MYH3: variants seen among roughly 807,000 people sequenced by gnomAD.
MYH3 encodes myosin heavy chain 3, also known as myosin-3.
A neutral mutation model predicts 238.0 loss-of-function variants in MYH3; 130 were observed. The ratio of observed to expected loss-of-function variants is 0.55; its 90% confidence interval spans 0.47 to 0.63. The LOEUF is 0.63. Ranked by LOEUF, MYH3 falls within the 30% of genes least tolerant of loss-of-function variation. The pLI, the probability that MYH3 is intolerant of heterozygous loss-of-function variation, is 0.00. For synonymous variants in MYH3, 880 were observed against 924.1 expected, an observed-to-expected ratio of 0.95 and a Z score of 0.86; for missense variants, 1,853 against 2,374.9, an observed-to-expected ratio of 0.78 and a Z score of 4.57.
chr17:10,658,153 G>A (rs1158050886), upstream of MYH3, among the ~76,000 whole-genome samples: 3 of 152,150 alleles, frequency 2.0e-5, no homozygotes, highest in East Asian at 1.9e-4. Flanking sequence ...GGACAAGGGG[G>A]GGCTGTCTAA....
upstream of MYH3, chr17:10,658,707 C>T (rs953973005): frequency 1.3e-5 from 2 of 152,234 alleles, no homozygotes; most frequent in Non-Finnish European, 2.9e-5. Context: ...GCTCACTCAC[C>T]CCTTGCCTGT....
rs367709724 is a variant in MYH3, at chr17:10,639,769, A to T, written c.2716T>A (p.Cys906Ser). ...AATTTGGCTTTGATCAGCTGATCGC[A>T]TCTTTCCTCAGCATCCAACAAATTT... ...SENLLDAEERCDQLIKAKFQL... is the reference protein window; with the variant it reads ...SENLLDAEERSDQLIKAKFQL... Residue 906 changes from cysteine to serine, a missense_variant, in exon 23 of 41, where the codon TGC becomes AGC. Transcript: ENST00000583535. 1.4e-5 allele frequency: 23 copies of T among 1,613,916 alleles called. No individual in the cohort carries two copies. The highest frequency in any genetic ancestry group is 1.9e-5 in the Non-Finnish European group (23 of 1,180,004).
At chr17:10,641,427 A>G in intron 17 of MYH3, 55 bp from the exon 18 acceptor site, 1 of 1,259,144 alleles carries the variant, frequency 7.9e-7, no homozygotes, top group Non-Finnish European at 1.2e-6. Flanking sequence ...TTATGAAGAC[A>G]GAGATCCATT....
At chr17:10,655,258 CA>C (rs2074416573) in intron 2 of MYH3, among the ~76,000 whole-genome samples, 186 bp from the exon 3 acceptor site, 1 of 152,144 alleles carries the variant, frequency 6.6e-6, no homozygotes, top group Non-Finnish European at 1.5e-5. Context: ...GCTGGGAAAT[CA>C]CACGGGTGCA....
the MYH3 span, chr17:10,674,734 G>A: frequency 6.6e-6 from 1 of 152,592 alleles, no homozygotes; most frequent in Non-Finnish European, 1.5e-5. Flanking sequence ...AAGGCCCTTG[G>A]TATGACCTCT....
At position 10,632,444 on chromosome 17, in the gene MYH3, G is replaced by A. The variant is rs4792008; in HGVS notation, c.4956+32C>T. The A allele has an allele frequency of 0.67, 1,082,628 of 1,604,222 alleles. 377,489 individuals carry two copies. The highest frequency in any genetic ancestry group is 0.73 in the Non-Finnish European group (858,686 of 1,176,988). ...TACATTTCTGAGTATGTGAGGAGGA[G>A]AGAGGTTTTTCCCCGATGGGTTCTC... On this transcript the variant is annotated intron_variant, in intron 34 of 40. Coordinates refer to ENST00000583535, the MANE Select transcript of MYH3 (RefSeq NM_002470.4).
chr17:10,634,596 T>C (rs2074195746), intron 31 of MYH3, among the ~76,000 whole-genome samples: 1 of 152,222 alleles, frequency 6.6e-6, no homozygotes, highest in Non-Finnish European at 1.5e-5. Flanking sequence ...TGCTTAGGAC[T>C]GCACGGACAT....
intron 33 of MYH3, 152 bp downstream of exon 33, chr17:10,633,439 C>A: frequency 1.1e-6 from 1 of 901,754 alleles, no homozygotes. Flanking sequence ...ATTATTCAGC[C>A]TCACAGTTTT....
chr17:10,676,658 G>A, the MYH3 span: 7 of 152,300 alleles, frequency 4.6e-5, no homozygotes, highest in South Asian at 1.5e-3. Flanking sequence ...CACAGAGTCA[G>A]TGACTTTAAG....
upstream of MYH3, among the ~76,000 whole-genome samples, chr17:10,657,483 A>G (rs764281050): frequency 9.9e-5 from 15 of 152,194 alleles, no homozygotes; most frequent in Non-Finnish European, 2.2e-4. Context: ...AGCAGGATCC[A>G]TCACCATTTT....
chr17:10,653,306 G>A (rs2074396665), intron 3 of MYH3, among the ~76,000 whole-genome samples: 1 of 152,152 alleles, frequency 6.6e-6, no homozygotes, highest in South Asian at 2.1e-4. Flanking sequence ...CTGCAGTCGT[G>A]AGGCAGGGAC....
At position 10,630,149 on chromosome 17, in the gene MYH3, T is replaced by C; in HGVS notation, c.5505A>G (p.Thr1835=). The part of the protein sequence containing the change: ...FELEGEQKKN[T]ESVKGLRKYE... Reference sequence around the variant, plus strand: ...ACTTCCTCAGGCCCTTAACAGACTCTGTGTTCTTCTTCTGCTCTCCCTCAA... The same window carrying C: ...ACTTCCTCAGGCCCTTAACAGACTCCGTGTTCTTCTTCTGCTCTCCCTCAA... Residue 1835 remains threonine (T), a synonymous_variant, in exon 38 of 41, where the codon ACA becomes ACG. Coordinates refer to ENST00000583535, the MANE Select transcript of MYH3 (RefSeq NM_002470.4). The C allele has an allele frequency of 6.2e-7, 1 of 1,614,178 alleles. No homozygotes were observed. Among genetic ancestry groups the C allele is most frequent in the South Asian group, 1.1e-5 (1 of 91,084 alleles).
chr17:10,634,736 G>C, intron 31 of MYH3, 104 bp downstream of exon 31: 2 of 1,410,248 alleles, frequency 1.4e-6, no homozygotes, highest in Non-Finnish European at 2.0e-6. Flanking sequence ...AGGCCACACT[G>C]CTGGTGAGGG....
Position 10,648,548 on chromosome 17 carries a change from C to G in MYH3, c.735+9G>C. The stretch of plus-strand genomic sequence containing the variant: ...AAGCAAATTCCATCTTAACCAAACT[C>G]AGACTCACAAAACGGGAGGAGTTGT... On this transcript the variant is annotated intron_variant, in intron 8 of 40. Coordinates refer to ENST00000583535, the MANE Select transcript of MYH3 (RefSeq NM_002470.4). 6.2e-7 allele frequency: 1 copy of G among 1,611,944 alleles called. No individual in the cohort carries two copies. Among genetic ancestry groups the G allele is most frequent in the Non-Finnish European group, 8.5e-7 (1 of 1,177,978 alleles).
chr17:10,646,590 G>A (rs1238531521), intron 10 of MYH3, among the ~76,000 whole-genome samples: 5 of 152,134 alleles, frequency 3.3e-5, no homozygotes, highest in Admixed American at 3.3e-4. Context: ...TTGTTTCTGT[G>A]CCAGAACACA....
intron 17 of MYH3, 146 bp from the exon 18 acceptor site, chr17:10,641,518 T>A: frequency 4.5e-6 from 2 of 445,414 alleles, no homozygotes; most frequent in East Asian, 3.5e-5. Context: ...CTTTTTTTTT[T>A]TTTTTTTTTT....
In MYH3 at chr17:10,631,707, C is replaced by T. The variant is rs1448154246; in HGVS notation, c.5190G>A (p.Lys1730=). The T allele has an allele frequency of 4.3e-6, 7 of 1,614,202 alleles. No individual in the cohort carries two copies. The East Asian group carries it at 1.6e-4, about 36-fold the overall frequency. ...GGAGCTGCATGAGGTCTGTCTCCAGCTTCTTCTTGGTGTGGATGAGGCTGG... is the reference window on the plus strand; with the variant it reads ...GGAGCTGCATGAGGTCTGTCTCCAGTTTCTTCTTGGTGTGGATGAGGCTGG... ...QNTSLIHTKK[K]LETDLMQLQS... Residue 1730 remains lysine, a synonymous_variant, in exon 36 of 41, where the codon AAG becomes AAA. Transcript: ENST00000583535.
intron 12 of MYH3, among the ~76,000 whole-genome samples, chr17:10,645,447 C>T (rs967692990): frequency 6.6e-6 from 1 of 151,980 alleles, no homozygotes; most frequent in African/African-American, 2.4e-5. Flanking sequence ...CGTGCCTCAG[C>T]CTCCTGAGTA....
intron 18 of MYH3, 23 bp from the exon 19 acceptor site, chr17:10,641,225 A>C: frequency 1.2e-6 from 2 of 1,611,594 alleles, no homozygotes; most frequent in Non-Finnish European, 1.7e-6. Flanking sequence ...GCGAGATATC[A>C]GCCTTACACA....
Sources: allele counts gnomAD v4.1 joint callset (sites outside exome capture counted in the v4.1 genomes callset), GRCh38; gene constraint gnomAD v4.1.1; transcripts MANE v1.5; gene names NCBI Gene and HGNC (gene_info 2026-07-23, HGNC 2026-07-21).